Variants in SGF29 observed in about 807,000 individuals in gnomAD.
SGF29 encodes SAGA complex associated factor 29, also known as SAGA-associated factor 29.
A neutral mutation model predicts 38.1 loss-of-function variants in SGF29; 15 were observed. The observed-to-expected ratio is 0.39, with a 90% CI of 0.26 to 0.61. SGF29 has a LOEUF of 0.61. Ranked by LOEUF, SGF29 falls within the 20% of genes least tolerant of loss-of-function variation. The pLI is 0.49. For synonymous variants in SGF29, 151 were observed against 160.8 expected (o/e 0.94, Z 0.46); for missense variants, 184 against 394.6 (o/e 0.47, Z 4.52).
At chr16:28,561,528 G>A (rs576058110) in intron 1 of SGF29, among the ~76,000 whole-genome samples, 109 of 152,210 alleles carry the variant, frequency 7.2e-4, no homozygotes, top group Non-Finnish European at 1.2e-3. Flanking sequence ...GCAAGACTCC[G>A]TCTCTAAAAA....
At chr16:28,560,049 G>A (rs2046776695) in intron 1 of SGF29, among the ~76,000 whole-genome samples, 1 of 151,810 alleles carries the variant, frequency 6.6e-6, no homozygotes, top group African/African-American at 2.4e-5. Context: ...AGACCAGCCT[G>A]GCCAACATAG....
chr16:28,578,975 C>A (rs2046910442), intron 1 of SGF29, among the ~76,000 whole-genome samples: 1 of 151,932 alleles, frequency 6.6e-6, no homozygotes, highest in Admixed American at 6.6e-5. Flanking sequence ...AAAATAGAGA[C>A]AGGGTCTTGC....
chr16:28,585,292 G>A, intron 3 of SGF29: 1 of 512,650 alleles, frequency 2.0e-6, no homozygotes, highest in South Asian at 2.7e-5. Flanking sequence ...GGCGGCCCCT[G>A]CATCTGCCCT....
Position 28,588,440 on chromosome 16 carries a change from G to A in SGF29, c.225-660G>A, listed in dbSNP as rs1056136375. ...CTGCAGCCTTTCTGCAGGGTTTGCC[G>A]AAGGCAGTTTGCCTGTGTCCTTTCC... On this transcript the variant is annotated intron_variant, in intron 4 of 9. Coordinates refer to ENST00000317058, the MANE Select transcript of SGF29 (RefSeq NM_138414.3). Among the ~76,000 whole-genome samples the A allele has an allele frequency of 2.0e-5, 3 of 152,282 alleles. No individual in the cohort carries two copies. The East Asian group carries it at 5.8e-4, about 29-fold the overall frequency.
intron 1 of SGF29, among the ~76,000 whole-genome samples, chr16:28,570,052 A>G (rs2046856117): frequency 6.6e-6 from 1 of 152,204 alleles, no homozygotes; most frequent in African/African-American, 2.4e-5. Context: ...CCCTGCAGAA[A>G]GTCCCCATTA....
chr16:28,564,745 G>A (rs12929216), intron 1 of SGF29, among the ~76,000 whole-genome samples: 10,302 of 22,606 alleles, frequency 0.46, 1,041 homozygotes, highest in Middle Eastern at 0.59. Context: ...ATGTATATAT[G>A]TATATATATG....
chr16:28,562,364 C>G (rs2046795349), intron 1 of SGF29, among the ~76,000 whole-genome samples: 1 of 152,144 alleles, frequency 6.6e-6, no homozygotes, highest in Non-Finnish European at 1.5e-5. Context: ...GAGAACTTTA[C>G]AGTTGTTCTC....
At chr16:28,583,112 CAG>C (rs1229331216) in intron 2 of SGF29, among the ~76,000 whole-genome samples, 5 of 152,254 alleles carry the variant, frequency 3.3e-5, no homozygotes, top group African/African-American at 9.6e-5. Context: ...GTGGTCCTGA[CAG>C]ACACAGGGCT....
At chr16:28,578,052 G>A (rs117058170) in intron 1 of SGF29, among the ~76,000 whole-genome samples, 18 of 151,980 alleles carry the variant, frequency 1.2e-4, no homozygotes, top group Admixed American at 2.6e-4. Context: ...GCTCAGGCTC[G>A]TCTGGTGGCC....
intron 3 of SGF29, chr16:28,585,245 G>A (rs767132385): frequency 1.2e-5 from 6 of 518,624 alleles, no homozygotes; most frequent in Non-Finnish European, 2.1e-5. Flanking sequence ...AAGCGCCCCA[G>A]TTAGCTGGTG....
intron 1 of SGF29, among the ~76,000 whole-genome samples, chr16:28,570,596 A>C (rs992578490): frequency 6.6e-6 from 1 of 150,882 alleles, no homozygotes; most frequent in Non-Finnish European, 1.5e-5. Flanking sequence ...TTATTTAGCG[A>C]GAGAGTGAGC....
intron 1 of SGF29, among the ~76,000 whole-genome samples, chr16:28,555,462 C>T (rs2046744304): frequency 6.6e-6 from 1 of 152,170 alleles, no homozygotes; most frequent in Admixed American, 6.5e-5. Flanking sequence ...GGTGACAGAG[C>T]AAGACCCTGT....
At chr16:28,564,527 GTATATATATATGTATATATATACGTATA>G (rs1567285534) in intron 1 of SGF29, among the ~76,000 whole-genome samples, 1 of 118,082 alleles carries the variant, frequency 8.5e-6, no homozygotes. Context: ...ATATGTGTGT[GTATATATATATGTATATATATACGTATA>G]TATATATATA....
intron 1 of SGF29, among the ~76,000 whole-genome samples, chr16:28,576,265 A>T (rs535315099): frequency 6.6e-6 from 1 of 152,276 alleles, no homozygotes; most frequent in South Asian, 2.1e-4. Context: ...GGAGGGTAGG[A>T]GGAGGGAGAA....
intron 1 of SGF29, among the ~76,000 whole-genome samples, chr16:28,564,594 CACAT>C (rs1357167917): frequency 5.0e-5 from 6 of 120,726 alleles, no homozygotes; most frequent in Non-Finnish European, 6.8e-5. Flanking sequence ...TATATATACA[CACAT>C]ATATGTGTAT....
intron 1 of SGF29, among the ~76,000 whole-genome samples, chr16:28,566,055 C>T (rs1013843365): frequency 2.0e-5 from 3 of 151,208 alleles, no homozygotes; most frequent in East Asian, 2.0e-4. Flanking sequence ...GGGCAGATCA[C>T]GAGGTTAGGA....
At chr16:28,569,749 G>C (rs764001983) in intron 1 of SGF29, among the ~76,000 whole-genome samples, 2 of 152,230 alleles carry the variant, frequency 1.3e-5, no homozygotes, top group African/African-American at 2.4e-5. Flanking sequence ...TGGAAGCCAG[G>C]TACTAATCAA....
chr16:28,557,965 G>GTTTTTTT (rs753237384), intron 1 of SGF29, among the ~76,000 whole-genome samples: 1 of 65,618 alleles, frequency 1.5e-5, no homozygotes, highest in African/African-American at 6.9e-5. Context: ...TTCTTTCTCT[G>GTTTTTTT]TTTTTTTTTT....
At chr16:28,566,074 C>A (rs1046259280) in intron 1 of SGF29, among the ~76,000 whole-genome samples, 18 of 151,260 alleles carry the variant, frequency 1.2e-4, no homozygotes, top group Non-Finnish European at 2.4e-4. Context: ...GAGATCGAGA[C>A]CATCCTGGCT....
Sources: allele counts gnomAD v4.1 joint callset (sites outside exome capture counted in the v4.1 genomes callset), GRCh38; gene constraint gnomAD v4.1.1; transcripts MANE v1.5; gene names NCBI Gene and HGNC (gene_info 2026-07-23, HGNC 2026-07-21).